CSMD1: variants seen among roughly 807,000 people sequenced by gnomAD.
CSMD1 encodes CUB and sushi domain-containing protein 1.
CSMD1 carries 213 observed loss-of-function variants against 417.5 expected under a neutral mutation model. The ratio of observed to expected loss-of-function variants is 0.51; its 90% CI spans 0.46 to 0.57. The LOEUF (loss-of-function observed/expected upper bound fraction) is 0.57, where lower values mean the gene tolerates loss of function less well. CSMD1 is among the 20% of genes least tolerant of loss of function. The pLI is 0.00. For synonymous variants in CSMD1, 2,862 were observed against 1,736.8 expected, an observed-to-expected ratio of 1.65 and a Z score of -16.11; for missense variants, 6,923 against 4,529.7, an observed-to-expected ratio of 1.53 and a Z score of -15.17.
chr8:4,859,779 T>A (rs1371604863), intron 1 of CSMD1, among the ~76,000 whole-genome samples: 1 of 151,980 alleles, frequency 6.6e-6, no homozygotes. Context: ...GGAGAGGATG[T>A]GGAGAAATAG....
At chr8:4,232,298 A>T (rs1279018998) in intron 3 of CSMD1, among the ~76,000 whole-genome samples, 1 of 152,170 alleles carries the variant, frequency 6.6e-6, no homozygotes, top group African/African-American at 2.4e-5. Context: ...TCCCAGGTTC[A>T]AGTAATTCTC....
intron 10 of CSMD1, among the ~76,000 whole-genome samples, chr8:3,499,879 T>C (rs1203112922): frequency 6.6e-6 from 1 of 152,106 alleles, no homozygotes; most frequent in African/African-American, 2.4e-5. Context: ...GGCACCATGC[T>C]GCAGCAGCCT....
intron 3 of CSMD1, among the ~76,000 whole-genome samples, chr8:4,075,726 G>C (rs1326621457): frequency 6.6e-6 from 1 of 152,130 alleles, no homozygotes; most frequent in Admixed American, 6.5e-5. Flanking sequence ...GAAACGGTTT[G>C]CATGTTCTCA....
chr8:4,491,871 C>T (rs2130218434), intron 2 of CSMD1, among the ~76,000 whole-genome samples: 1 of 152,234 alleles, frequency 6.6e-6, no homozygotes, highest in African/African-American at 2.4e-5. Flanking sequence ...CCTCTTTGGT[C>T]TTTATGTAAA....
At chr8:3,308,750 T>C (rs1369444515) in intron 23 of CSMD1, among the ~76,000 whole-genome samples, 1 of 149,196 alleles carries the variant, frequency 6.7e-6, no homozygotes, top group African/African-American at 2.5e-5. Flanking sequence ...TTTTTTTTTT[T>C]TTTGCTTTTG....
intron 3 of CSMD1, among the ~76,000 whole-genome samples, chr8:4,214,010 T>G (rs540338458): frequency 6.6e-6 from 1 of 152,204 alleles, no homozygotes; most frequent in African/African-American, 2.4e-5. Context: ...GGCAAAGTTC[T>G]GACGATGTAA....
intron 2 of CSMD1, among the ~76,000 whole-genome samples, chr8:4,440,623 C>A (rs1046265210): frequency 3.9e-5 from 6 of 152,146 alleles, no homozygotes; most frequent in Non-Finnish European, 8.8e-5. Flanking sequence ...TAGTACCATG[C>A]AATGATAGGG....
chr8:3,434,742 C>T (rs1425519280), intron 12 of CSMD1, among the ~76,000 whole-genome samples: 2 of 152,184 alleles, frequency 1.3e-5, no homozygotes, highest in African/African-American at 4.8e-5. Flanking sequence ...TTAACATCCG[C>T]AGATAGCTTG....
At chr8:4,910,652 A>C (rs1179438026) in intron 1 of CSMD1, among the ~76,000 whole-genome samples, 3 of 152,258 alleles carry the variant, frequency 2.0e-5, no homozygotes, top group African/African-American at 7.2e-5. Context: ...ATTAGATTTT[A>C]ACATATTAAT....
intron 3 of CSMD1, among the ~76,000 whole-genome samples, chr8:4,126,903 C>A (rs530843567): frequency 6.6e-6 from 1 of 152,234 alleles, no homozygotes; most frequent in Non-Finnish European, 1.5e-5. Context: ...TGGGTTAGAA[C>A]ACAGGCTCTC....
chr8:4,880,325 T>C (rs1360162159), intron 1 of CSMD1, among the ~76,000 whole-genome samples: 1 of 152,062 alleles, frequency 6.6e-6, no homozygotes, highest in South Asian at 2.1e-4. Context: ...TGCAAACTCA[T>C]AGGCTGCAGC....
At chr8:3,657,203 C>T (rs897574101) in intron 7 of CSMD1, among the ~76,000 whole-genome samples, 1 of 152,142 alleles carries the variant, frequency 6.6e-6, no homozygotes, top group Non-Finnish European at 1.5e-5. Context: ...TCTATGTTTA[C>T]ATCATTTCAT....
chr8:3,219,506 G>A, intron 28 of CSMD1, 64 bp from the exon 29 acceptor site: 2 of 1,169,984 alleles, frequency 1.7e-6, no homozygotes, highest in Non-Finnish European at 2.3e-6. Flanking sequence ...AGAGTGGTAA[G>A]CCTTTGAGCT....
intron 42 of CSMD1, among the ~76,000 whole-genome samples, chr8:3,112,494 T>A (rs1585380792): frequency 6.6e-6 from 1 of 152,318 alleles, no homozygotes; most frequent in Non-Finnish European, 1.5e-5. Flanking sequence ...GATTCCAGTA[T>A]TATTTATGCC....
In CSMD1 at chr8:3,468,700, A is replaced by G. The variant is rs953453331; in HGVS notation, c.1561+12T>C. The G allele has an allele frequency of 1.3e-6, 2 of 1,551,412 alleles. No homozygotes were observed. The highest frequency in any genetic ancestry group is 8.8e-7 in the Non-Finnish European group (1 of 1,133,218). ...CTAACTTCCAACCCTGTGAAGTGTA[A>G]TCTCATCATACCTTGGTAAACAGCT... On this transcript the variant is annotated intron_variant, in intron 12 of 69. Transcript: ENST00000635120.
intron 2 of CSMD1, among the ~76,000 whole-genome samples, chr8:4,597,431 T>C (rs1005834145): frequency 5.9e-5 from 9 of 152,158 alleles, no homozygotes; most frequent in Non-Finnish European, 1.5e-5. Context: ...AATTCACCCC[T>C]GGTCCTCTTG....
chr8:4,527,058 T>C (rs1253067597), intron 2 of CSMD1, among the ~76,000 whole-genome samples: 2 of 152,216 alleles, frequency 1.3e-5, no homozygotes, highest in African/African-American at 2.4e-5. Flanking sequence ...CCTTTCTTTG[T>C]GTGTCTGGAT....
At chr8:4,082,913 T>C (rs925121642) in intron 3 of CSMD1, among the ~76,000 whole-genome samples, 22 of 151,908 alleles carry the variant, frequency 1.4e-4, no homozygotes, top group Non-Finnish European at 3.1e-4. Flanking sequence ...TTATTTCCAA[T>C]TTCATCCATG....
At chr8:3,702,502 A>T (rs190404134) in intron 7 of CSMD1, among the ~76,000 whole-genome samples, 1,578 of 152,322 alleles carry the variant, frequency 0.01, 31 homozygotes, top group African/African-American at 0.036. Flanking sequence ...TCAGAAGAAG[A>T]AGAAGAAATG....
Sources: gnomAD v4.1 joint callset for allele counts (sites outside exome capture counted in the v4.1 genomes callset) on GRCh38, gnomAD v4.1.1 for gene constraint, MANE v1.5 for transcripts, NCBI Gene and HGNC (gene_info 2026-07-23, HGNC 2026-07-21) for gene names.